The following EPHA6 variants were observed in gnomAD, a reference collection of about 807,000 sequenced individuals.
EPHA6 encodes ephrin type-A receptor 6.
EPHA6 carries 50 observed loss-of-function variants against 112.0 expected under a neutral mutation model. The observed-to-expected ratio is 0.45, with a 90% CI of 0.36 to 0.56. The LOEUF (loss-of-function observed/expected upper bound fraction) is 0.56. Among genes scored for constraint, EPHA6 ranks in the 20% least tolerant of loss-of-function variants. EPHA6 has a pLI of 0.00. For synonymous variants in EPHA6, 529 were observed against 490.7 expected (o/e 1.08, Z -1.03); for missense variants, 1,280 against 1,417.4 (o/e 0.90, Z 1.56).
intron 3 of EPHA6, among the ~76,000 whole-genome samples, chr3:97,005,354 A>G (rs1359625966): frequency 6.6e-6 from 1 of 152,034 alleles, no homozygotes; most frequent in Non-Finnish European, 1.5e-5. Context: ...CTGTATTCCT[A>G]GGTATATTAT....
chr3:97,208,136 C>T (rs1270475090), intron 3 of EPHA6, among the ~76,000 whole-genome samples: 1 of 152,110 alleles, frequency 6.6e-6, no homozygotes, highest in Non-Finnish European at 1.5e-5. Context: ...TAGCATTTCA[C>T]CCTTGAATGT....
intron 11 of EPHA6, chr3:97,570,095 A>G (rs2093317342): frequency 6.6e-6 from 1 of 152,196 alleles, no homozygotes; most frequent in African/African-American, 2.4e-5. Flanking sequence ...ATTTATTTTT[A>G]TACTACCCAG....
chr3:97,545,320 T>C (rs959276065), intron 11 of EPHA6, among the ~76,000 whole-genome samples: 2 of 152,178 alleles, frequency 1.3e-5, no homozygotes, highest in African/African-American at 2.4e-5. Flanking sequence ...ATTTCATTAT[T>C]TACCCAGTAG....
At chr3:96,825,626 T>C (rs1404229179) in intron 1 of EPHA6, among the ~76,000 whole-genome samples, 2 of 151,858 alleles carry the variant, frequency 1.3e-5, no homozygotes, top group African/African-American at 2.4e-5. Flanking sequence ...AAATTGCTGT[T>C]TGATAGAGCC....
chr3:97,627,673 A>G (rs1474725345), intron 13 of EPHA6, among the ~76,000 whole-genome samples: 5 of 152,026 alleles, frequency 3.3e-5, no homozygotes, highest in East Asian at 3.9e-4. Flanking sequence ...AATAAAATAT[A>G]TAGTCACCCT....
At chr3:97,170,453 G>GT (rs1685477644) in intron 3 of EPHA6, among the ~76,000 whole-genome samples, 2 of 152,054 alleles carry the variant, frequency 1.3e-5, no homozygotes, top group Non-Finnish European at 2.9e-5. Context: ...TAAGAAATAT[G>GT]GAGCCAGGCG....
At chr3:97,129,941 A>G (rs1233602250) in intron 3 of EPHA6, among the ~76,000 whole-genome samples, 2 of 152,188 alleles carry the variant, frequency 1.3e-5, no homozygotes, top group Non-Finnish European at 2.9e-5. Context: ...CTGATACAGC[A>G]TTCTTGCTAC....
intron 2 of EPHA6, among the ~76,000 whole-genome samples, chr3:96,917,150 G>C (rs2039522961): frequency 6.6e-6 from 1 of 151,988 alleles, no homozygotes; most frequent in Non-Finnish European, 1.5e-5. Flanking sequence ...GCCGGGTGTG[G>C]TGGCTCGCAC....
intron 11 of EPHA6, among the ~76,000 whole-genome samples, chr3:97,578,068 G>T (rs547931767): frequency 9.3e-4 from 141 of 152,252 alleles, no homozygotes; most frequent in African/African-American, 2.6e-3. Flanking sequence ...GTATGAGATA[G>T]AGTCATCAGA....
At chr3:96,843,174 A>G (rs755929835) in intron 1 of EPHA6, among the ~76,000 whole-genome samples, 1 of 152,064 alleles carries the variant, frequency 6.6e-6, no homozygotes, top group Non-Finnish European at 1.5e-5. Context: ...CTGCTCTTAT[A>G]TATTTGTTAA....
intron 10 of EPHA6, among the ~76,000 whole-genome samples, chr3:97,509,402 G>C (rs748426916): frequency 6.6e-6 from 1 of 151,988 alleles, no homozygotes; most frequent in Admixed American, 6.6e-5. Context: ...ATCTCTCAGC[G>C]TTTGCTTGTC....
chr3:97,150,303 A>C (rs1257495009), intron 3 of EPHA6, among the ~76,000 whole-genome samples: 1 of 152,104 alleles, frequency 6.6e-6, no homozygotes, highest in Non-Finnish European at 1.5e-5. Flanking sequence ...TATATCATCT[A>C]AGTTTCCTTT....
intron 15 of EPHA6, among the ~76,000 whole-genome samples, chr3:97,727,435 AC>A (rs1369316103): frequency 6.6e-6 from 1 of 152,020 alleles, no homozygotes; most frequent in Non-Finnish European, 1.5e-5. Context: ...TAATTCTATA[AC>A]CTTTCTCAGT....
At chr3:97,454,685 A>T (rs1327450142) in intron 7 of EPHA6, among the ~76,000 whole-genome samples, 2 of 152,002 alleles carry the variant, frequency 1.3e-5, no homozygotes, top group East Asian at 3.9e-4. Context: ...TGTTGTTAAC[A>T]CATTTTCTTC....
intron 5 of EPHA6, among the ~76,000 whole-genome samples, chr3:97,324,445 CTTTCTT>C (rs557989861): frequency 6.8e-6 from 1 of 146,976 alleles, no homozygotes; most frequent in Non-Finnish European, 1.5e-5. Flanking sequence ...TTCTTTCTTT[CTTTCTT>C]TCTTTCTTTC....
intron 7 of EPHA6, among the ~76,000 whole-genome samples, chr3:97,462,104 G>A (rs1320508904): frequency 6.6e-6 from 1 of 152,092 alleles, no homozygotes; most frequent in African/African-American, 2.4e-5. Flanking sequence ...AGTAAATTCT[G>A]GTTCTGTCCT....
intron 12 of EPHA6, among the ~76,000 whole-genome samples, chr3:97,598,843 T>C (rs2093617702): frequency 6.6e-6 from 1 of 151,886 alleles, no homozygotes; most frequent in Admixed American, 6.6e-5. Context: ...ATCGCCACAC[T>C]GACTTCCACA....
At chr3:96,856,251 A>G (rs564037576) in intron 1 of EPHA6, among the ~76,000 whole-genome samples, 2 of 152,208 alleles carry the variant, frequency 1.3e-5, no homozygotes, top group African/African-American at 4.8e-5. Context: ...AAATTAAAAA[A>G]AAAAATGGGC....
intron 11 of EPHA6, among the ~76,000 whole-genome samples, chr3:97,541,588 C>T (rs560012279): frequency 7.6e-4 from 116 of 152,232 alleles, no homozygotes; most frequent in Non-Finnish European, 1.4e-3. Context: ...TTTGTTATCA[C>T]GTCTCATTAG....
Sources: gnomAD v4.1 joint callset for allele counts (sites outside exome capture counted in the v4.1 genomes callset) on GRCh38, gnomAD v4.1.1 for gene constraint, MANE v1.5 for transcripts, NCBI Gene and HGNC (gene_info 2026-07-23, HGNC 2026-07-21) for gene names.